WDFY4: variants seen among roughly 807,000 people sequenced by gnomAD.
WDFY4 encodes the protein WD repeat- and FYVE domain-containing protein 4.
WDFY4 carries 169 observed loss-of-function variants against 351.9 expected under a neutral mutation model. The observed-to-expected ratio is 0.48, with a 90% confidence interval of 0.42 to 0.55. WDFY4 has a LOEUF of 0.55. WDFY4 is among the 20% of genes least tolerant of loss of function. The pLI, the probability that WDFY4 is intolerant of heterozygous loss-of-function variation, is 0.00. For synonymous variants in WDFY4, 1,622 were observed against 1,574.6 expected (o/e 1.03, Z -0.71); for missense variants, 3,803 against 3,935.6 (o/e 0.97, Z 0.90).
chr10:48,927,837 C>G (rs1042339673), intron 47 of WDFY4, among the ~76,000 whole-genome samples: 1 of 152,274 alleles, frequency 6.6e-6, no homozygotes, highest in Non-Finnish European at 1.5e-5. Flanking sequence ...TCTGGATGTA[C>G]TCTGTTTTAA....
chr10:48,947,017 C>CAT, intron 51 of WDFY4, 48 bp downstream of exon 51: 5 of 1,323,548 alleles, frequency 3.8e-6, no homozygotes, highest in African/African-American at 1.5e-5. Context: ...CACACACACA[C>CAT]ACATACGCCT....
chr10:48,954,023 C>A (rs1468103565), intron 51 of WDFY4, among the ~76,000 whole-genome samples: 1 of 152,202 alleles, frequency 6.6e-6, no homozygotes, highest in Non-Finnish European at 1.5e-5. Flanking sequence ...TAACTTGGAT[C>A]AATGTGCAGG....
chr10:48,916,868 AAT>A (rs1472114083), intron 47 of WDFY4, among the ~76,000 whole-genome samples: 4 of 112,052 alleles, frequency 3.6e-5, no homozygotes, highest in Non-Finnish European at 5.5e-5. Flanking sequence ...CTGCTTTAAA[AAT>A]ATGTGTGTGT....
chr10:48,889,779 C>A (rs59881269), intron 43 of WDFY4, among the ~76,000 whole-genome samples: 2 of 152,208 alleles, frequency 1.3e-5, no homozygotes, highest in African/African-American at 2.4e-5. Flanking sequence ...GCTGGGCCAG[C>A]GGAGAAGTGC....
chr10:48,705,758 G>A (rs1310993825), intron 1 of WDFY4, among the ~76,000 whole-genome samples: 1 of 152,222 alleles, frequency 6.6e-6, no homozygotes, highest in Non-Finnish European at 1.5e-5. Flanking sequence ...CGTGGCTTCT[G>A]CACTTCAGAG....
intron 49 of WDFY4, among the ~76,000 whole-genome samples, chr10:48,944,724 A>G (rs2133773246): frequency 6.6e-6 from 1 of 152,324 alleles, no homozygotes; most frequent in Middle Eastern, 3.4e-3. Flanking sequence ...TTTCAAACAC[A>G]AAACCTACTC....
At chr10:48,741,658 C>A (rs1318362825) in intron 11 of WDFY4, among the ~76,000 whole-genome samples, 1 of 152,112 alleles carries the variant, frequency 6.6e-6, no homozygotes, top group Admixed American at 6.5e-5. Context: ...TTAGGCCATG[C>A]ATTTAAGTCA....
rs1403277124 is a variant in WDFY4, at chr10:48,978,349, G to A, written c.9332G>A (p.Arg3111Gln). The change falls in exon 60 of 62, where the codon CGG (arginine) becomes CAG (glutamine). Residue 3111 changes from arginine (R) to glutamine (Q), a missense_variant. This residue lies in a region of WDFY4 where 3,054 missense variants were observed against 3,148.6 expected (regional missense o/e 0.97). Coordinates refer to ENST00000325239, the MANE Select transcript of WDFY4 (RefSeq NM_001394531.1). ...GATGTGAAGATGTCTGTTCCTGGAC[G>A]GCCAGCAGGAGAGGAGCCCCCGGCT... ...TEDVKMSVPGRPAGEEPPAQP... is the reference protein window; with the variant it reads ...TEDVKMSVPGQPAGEEPPAQP... 24 of 1,551,382 alleles carry A rather than the reference G, an allele frequency of 1.5e-5. No homozygotes were observed. The highest frequency in any genetic ancestry group is 1.9e-5 in the Non-Finnish European group (22 of 1,146,858).
At chr10:48,749,292 C>A (rs927602635) in intron 12 of WDFY4, among the ~76,000 whole-genome samples, 2 of 151,966 alleles carry the variant, frequency 1.3e-5, no homozygotes, top group African/African-American at 4.8e-5. Context: ...CAAATAAACA[C>A]CCCTACACCA....
intron 28 of WDFY4, 123 bp downstream of exon 28, chr10:48,808,081 C>A: frequency 1.3e-6 from 1 of 763,384 alleles, no homozygotes; most frequent in South Asian, 2.6e-5. Context: ...ATTTCCTGCA[C>A]TAGTCAGAAA....
chr10:48,709,009 C>T (rs79913079), intron 1 of WDFY4, among the ~76,000 whole-genome samples: 4,575 of 71,362 alleles, frequency 0.064, 111 homozygotes, highest in Middle Eastern at 0.18. Flanking sequence ...CAAACAACAC[C>T]CCCCCCCCCC....
intron 24 of WDFY4, 33 bp downstream of exon 24, chr10:48,796,483 A>C: frequency 1.3e-6 from 2 of 1,541,658 alleles, no homozygotes; most frequent in East Asian, 4.9e-5. Flanking sequence ...GTCCTTCAGG[A>C]GTGTGTGTGA....
chr10:48,822,647 A>C, intron 35 of WDFY4, 110 bp downstream of exon 35: 1 of 1,308,008 alleles, frequency 7.6e-7, no homozygotes, highest in Non-Finnish European at 9.9e-7. Context: ...GTAGAATCTG[A>C]GCCAGGTGGG....
intron 12 of WDFY4, among the ~76,000 whole-genome samples, chr10:48,749,444 G>A (rs2065113933): frequency 6.6e-6 from 1 of 151,716 alleles, no homozygotes; most frequent in Non-Finnish European, 1.5e-5. Flanking sequence ...ACAGCACCTA[G>A]CACATACACA....
intron 47 of WDFY4, among the ~76,000 whole-genome samples, chr10:48,930,866 CGT>C (rs1839953055): frequency 6.6e-6 from 1 of 152,082 alleles, no homozygotes; most frequent in Non-Finnish European, 1.5e-5. Flanking sequence ...AACATTTGTC[CGT>C]GTGAGCCCTG....
chr10:48,873,344 C>A (rs2069858190), intron 40 of WDFY4, 147 bp from the exon 41 acceptor site: 2 of 869,150 alleles, frequency 2.3e-6, no homozygotes, highest in South Asian at 3.7e-5. Flanking sequence ...GCAGTGGGTA[C>A]CCTACACATT....
At chr10:48,978,060 A>T (rs1009531079) in intron 59 of WDFY4, among the ~76,000 whole-genome samples, 1 of 152,174 alleles carries the variant, frequency 6.6e-6, no homozygotes, top group Non-Finnish European at 1.5e-5. Context: ...GGGTCATGAG[A>T]TGCACTTAGG....
rs79151085 is a variant in WDFY4, at chr10:48,904,993, C to T, written c.7586+3130C>T. ...AGTTCCAAGCCGCAGCACTCATGGGCTGCAGATGGTTTTCTCTCTCCCTGG... is the reference window on the plus strand; with the variant it reads ...AGTTCCAAGCCGCAGCACTCATGGGTTGCAGATGGTTTTCTCTCTCCCTGG... On this transcript the variant is annotated intron_variant, in intron 47 of 61. Transcript: ENST00000325239. 3.8e-3 allele frequency among the ~76,000 whole-genome samples: 585 copies of T among 152,304 alleles called. 3 individuals carry two copies. The highest frequency in any genetic ancestry group is 0.024 in the Middle Eastern group (7 of 294).
At chr10:48,795,503 A>G (rs1048792883) in intron 23 of WDFY4, among the ~76,000 whole-genome samples, 64 of 105,308 alleles carry the variant, frequency 6.1e-4, no homozygotes, top group Non-Finnish European at 6.8e-4. Flanking sequence ...ATATATATAT[A>G]TATATATATA....
Sources: allele counts gnomAD v4.1 joint callset (sites outside exome capture counted in the v4.1 genomes callset), GRCh38; gene constraint gnomAD v4.1.1; regional missense constraint gnomAD v4.1.1; transcripts MANE v1.5; gene names NCBI Gene and HGNC (gene_info 2026-07-23, HGNC 2026-07-21).